The following ERC1 variants were observed in gnomAD, a reference collection of about 807,000 sequenced individuals.
ERC1 encodes the protein ELKS/RAB6-interacting/CAST family member 1, also known as RAB6 interacting protein 2.
In ERC1, 56 loss-of-function variants were observed where a neutral mutation model predicts 132.0. The ratio of observed to expected loss-of-function variants is 0.42; its 90% CI spans 0.34 to 0.53. The LOEUF is 0.53. Ranked by LOEUF, ERC1 falls within the 20% of genes least tolerant of loss-of-function variation. ERC1 has a pLI of 0.03. For synonymous variants in ERC1, 478 were observed against 476.1 expected (o/e 1.00, Z -0.05); for missense variants, 1,202 against 1,349.9 (o/e 0.89, Z 1.72).
chr12:1,119,265 TTG>T (rs796127604), intron 7 of ERC1, among the ~76,000 whole-genome samples: 1 of 150,368 alleles, frequency 6.7e-6, no homozygotes, highest in Non-Finnish European at 1.5e-5. Flanking sequence ...TTTGTTTTTT[TTG>T]TTTTTTTTTT....
At chr12:1,452,468 T>A (rs1161950603) in intron 18 of ERC1, among the ~76,000 whole-genome samples, 5 of 152,222 alleles carry the variant, frequency 3.3e-5, no homozygotes. Context: ...TCTGGATCTG[T>A]GTTTTGTTGT....
chr12:1,196,896 C>G (rs534487600), intron 12 of ERC1, among the ~76,000 whole-genome samples: 2 of 142,544 alleles, frequency 1.4e-5, no homozygotes, highest in South Asian at 2.3e-4. Context: ...CTGTCTCTCT[C>G]TGTCTCTCTA....
chr12:1,133,027 T>C (rs1948913627), intron 7 of ERC1, among the ~76,000 whole-genome samples: 1 of 151,940 alleles, frequency 6.6e-6, no homozygotes, highest in Non-Finnish European at 1.5e-5. Context: ...GACTAATTTT[T>C]CTGTATTTTT....
At chr12:1,190,198 G>C (rs1013734399) in intron 12 of ERC1, 146 bp downstream of exon 12, 1 of 805,746 alleles carries the variant, frequency 1.2e-6, no homozygotes, top group African/African-American at 1.7e-5. Context: ...CTTTTTTCTA[G>C]GTCAGTTGTA....
intron 15 of ERC1, among the ~76,000 whole-genome samples, chr12:1,297,694 G>A (rs1379456779): frequency 7.0e-6 from 1 of 142,360 alleles, no homozygotes; most frequent in Non-Finnish European, 1.5e-5. Flanking sequence ...GTGATAGAGT[G>A]AGACTCTGTC....
intron 8 of ERC1, among the ~76,000 whole-genome samples, chr12:1,178,744 C>T (rs987749656): frequency 2.8e-4 from 42 of 152,104 alleles, no homozygotes; most frequent in African/African-American, 9.2e-4. Context: ...TATTCTCCTG[C>T]TTCATTTCTC....
At chr12:1,429,071 G>A (rs2092720247) in intron 17 of ERC1, among the ~76,000 whole-genome samples, 1 of 152,156 alleles carries the variant, frequency 6.6e-6, no homozygotes, top group Admixed American at 6.6e-5. Flanking sequence ...CAGGTTTTAA[G>A]GCAAAACACT....
intron 12 of ERC1, among the ~76,000 whole-genome samples, chr12:1,223,172 G>A (rs1043139185): frequency 1.3e-5 from 2 of 152,170 alleles, no homozygotes; most frequent in Non-Finnish European, 2.9e-5. Context: ...CAGTAAAACA[G>A]GTATGTAGAC....
At chr12:1,190,680 T>G (rs982533609) in intron 12 of ERC1, among the ~76,000 whole-genome samples, 6 of 152,126 alleles carry the variant, frequency 3.9e-5, no homozygotes, top group Non-Finnish European at 7.4e-5. Flanking sequence ...TTTGGTGTGT[T>G]TTCTTATTAT....
intron 15 of ERC1, among the ~76,000 whole-genome samples, chr12:1,310,096 C>T (rs542750130): frequency 2.6e-5 from 4 of 151,150 alleles, no homozygotes; most frequent in African/African-American, 9.7e-5. Flanking sequence ...TACAGGCACC[C>T]GCCACCATGC....
rs148583293 is a variant in ERC1 at position 1,184,174 on chromosome 12, G to T, written c.2157+753G>T. Reference sequence around the variant, plus strand: ...AAAAGAAAAAAAAAAGAATAAGTGGGAGCATATTTTCTAATTTAACATATG... The same window carrying T: ...AAAAGAAAAAAAAAAGAATAAGTGGTAGCATATTTTCTAATTTAACATATG... On this transcript the variant is annotated intron_variant, in intron 11 of 18. Transcript: ENST00000360905. Among the ~76,000 whole-genome samples the T allele has an allele frequency of 3.5e-3, 529 of 151,558 alleles. 3 individuals are homozygous for T. Among genetic ancestry groups the T allele is most frequent in the Middle Eastern group, 0.02 (6 of 294 alleles).
chr12:1,264,500 T>C (rs372559470), intron 14 of ERC1, among the ~76,000 whole-genome samples: 1,880 of 152,050 alleles, frequency 0.012, 41 homozygotes, highest in African/African-American at 0.043. Flanking sequence ...CCGTCTCTAC[T>C]AAAAATACAA....
chr12:1,331,408 CTACT>C (rs1005722338), intron 15 of ERC1, among the ~76,000 whole-genome samples: 2 of 152,166 alleles, frequency 1.3e-5, no homozygotes. Context: ...AGTTATCCAT[CTACT>C]TACTTATTCA....
chr12:1,098,366 C>A (rs11061631), intron 3 of ERC1, among the ~76,000 whole-genome samples: 86,948 of 152,072 alleles, frequency 0.57, 27,437 homozygotes, highest in East Asian at 0.9. Flanking sequence ...TTATCAAGAT[C>A]ACCCTGGTGC....
intron 12 of ERC1, among the ~76,000 whole-genome samples, chr12:1,194,958 C>A (rs1484501749): frequency 1.5e-5 from 1 of 67,622 alleles, no homozygotes; most frequent in Non-Finnish European, 3.1e-5. Context: ...TTTTTGGGGG[C>A]GGGGGGCAGG....
At position 1,480,699 on chromosome 12, in the gene ERC1, C is replaced by T. The variant is rs575795285; in HGVS notation, c.3214-9394C>T. 499 of 550,770 alleles carry T rather than the reference C, an allele frequency of 9.1e-4. 1 individual carries two copies. Among genetic ancestry groups the T allele is most frequent in the Non-Finnish European group, 1.3e-3 (405 of 310,558 alleles). The allele number at this position is 550,770 out of a possible 1,614,324, so 34.1% of individuals were successfully genotyped here. On this transcript the variant is annotated intron_variant, in intron 18 of 18. Transcript: ENST00000360905. The stretch of plus-strand genomic sequence containing the variant: ...CTGGTTTTAAGCCTAAAGGGGCCTG[C>T]CTTGAGGAGGTGAGGAAGATAAGCA...
intron 1 of ERC1, among the ~76,000 whole-genome samples, chr12:1,007,460 TTCTCTCTCTC>T (rs72040785): frequency 7.6e-4 from 103 of 135,046 alleles, no homozygotes; most frequent in African/African-American, 2.7e-3. Context: ...GGGTAATTCA[TTCTCTCTCTC>T]TCTCTCTCTC....
At chr12:1,203,080 C>T (rs535671029) in intron 12 of ERC1, among the ~76,000 whole-genome samples, 7 of 152,266 alleles carry the variant, frequency 4.6e-5, no homozygotes, top group Middle Eastern at 3.4e-3. Context: ...CTTTTTGAGA[C>T]GGAGTCTTGC....
intron 13 of ERC1, among the ~76,000 whole-genome samples, chr12:1,256,349 G>A (rs1277312479): frequency 6.7e-6 from 1 of 148,516 alleles, no homozygotes; most frequent in Admixed American, 6.7e-5. Context: ...AATTCATGAG[G>A]AAACAGGAGT....
Sources: allele counts gnomAD v4.1 joint callset (sites outside exome capture counted in the v4.1 genomes callset), GRCh38; gene constraint gnomAD v4.1.1; transcripts MANE v1.5; gene names NCBI Gene and HGNC (gene_info 2026-07-23, HGNC 2026-07-21).